The following SEMA3E variants were observed in gnomAD, a reference collection of about 807,000 sequenced individuals.
The protein encoded by SEMA3E is semaphorin 3E, also known as semaphorin-3E.
Under a neutral mutation model 93.6 loss-of-function variants are expected in SEMA3E, and 49 were observed. The observed-to-expected ratio is 0.52, with a 90% CI of 0.42 to 0.66. SEMA3E has a LOEUF of 0.66. Among genes scored for constraint, SEMA3E ranks in the 30% least tolerant of loss-of-function variants. SEMA3E has a pLI of 0.00. For missense variants in SEMA3E, 906 were observed against 964.8 expected (o/e 0.94, Z 0.81); for synonymous variants, 363 against 330.7 (o/e 1.10, Z -1.06).
chr7:83,511,562 T>C (rs1391917805), intron 1 of SEMA3E, among the ~76,000 whole-genome samples: 1 of 152,048 alleles, frequency 6.6e-6, no homozygotes, highest in Non-Finnish European at 1.5e-5. Context: ...ATAGTGAAGG[T>C]TCCCCTCTAT....
chr7:83,463,877 C>A (rs186074349), intron 4 of SEMA3E, among the ~76,000 whole-genome samples: 1 of 152,288 alleles, frequency 6.6e-6, no homozygotes, highest in Non-Finnish European at 1.5e-5. Context: ...CCACCCAGGA[C>A]TGGCAAATTA....
intron 4 of SEMA3E, among the ~76,000 whole-genome samples, chr7:83,442,824 G>T (rs1789144616): frequency 2.0e-5 from 3 of 152,268 alleles, no homozygotes; most frequent in Non-Finnish European, 2.9e-5. Context: ...TGCCCCCCAT[G>T]AGGAAGCACT....
intron 4 of SEMA3E, among the ~76,000 whole-genome samples, chr7:83,438,733 ATAAT>A (rs1353384567): frequency 1.1e-4 from 16 of 152,142 alleles, no homozygotes; most frequent in African/African-American, 3.9e-4. Flanking sequence ...ATATGGCTAA[ATAAT>A]TATATATAAT....
At chr7:83,431,079 A>G (rs1041193527) in intron 4 of SEMA3E, among the ~76,000 whole-genome samples, 16 of 2,796 alleles carry the variant, frequency 5.7e-3, no homozygotes, top group African/African-American at 7.1e-3. Context: ...GCATTGCCAA[A>G]AAAAAGAAAA....
rs185490729 is a variant in SEMA3E, at chr7:83,552,690, C to T, written c.116-62416G>A. ...CTGCTCTGGGAATATCTGTCTTATG[C>T]GGTTGAGATAAGGACTGAGATACAC... is the stretch of plus-strand genomic sequence containing the variant. On this transcript the variant is annotated intron_variant, in intron 1 of 16. Coordinates refer to ENST00000643230, the MANE Select transcript of SEMA3E (RefSeq NM_012431.3). Among the ~76,000 whole-genome samples, 149 of 152,116 alleles carry T rather than the reference C, an allele frequency of 9.8e-4. 1 individual carries two copies. The highest frequency in any genetic ancestry group is 1.8e-3 in the Non-Finnish European group (123 of 68,010).
At chr7:83,507,982 A>G (rs959737364) in intron 1 of SEMA3E, among the ~76,000 whole-genome samples, 4 of 152,028 alleles carry the variant, frequency 2.6e-5, no homozygotes, top group Non-Finnish European at 5.9e-5. Context: ...AAATAATATC[A>G]AGAAATGAGC....
intron 4 of SEMA3E, among the ~76,000 whole-genome samples, chr7:83,461,439 T>C (rs1789614737): frequency 6.6e-6 from 1 of 152,290 alleles, no homozygotes; most frequent in African/African-American, 2.4e-5. Flanking sequence ...TCACACCTGG[T>C]CCGGCTTACA....
chr7:83,372,069 A>G, intron 16 of SEMA3E: 2 of 388,194 alleles, frequency 5.2e-6, no homozygotes, highest in Non-Finnish European at 9.1e-6. Context: ...TAAAGAATTC[A>G]GAAGATAGTG....
chr7:83,418,469 G>C lies in SEMA3E; in HGVS notation c.471C>G (p.His157Gln). Residue 157 changes from histidine (H) to glutamine (Q), a missense_variant, in exon 5 of 17, where the codon CAC becomes CAG. His to Gln is a conservative substitution (Grantham distance 24). Transcript: ENST00000643230. ...VGYHLEDPLF[H>Q]LESPRSERGR... ...CTCTCTCAGATCTGGGTGATTCCAG[G>C]TGAAACAGAGGATCCTTGAAAGAAA... 6.2e-7 allele frequency: 1 copy of C among 1,610,790 alleles called. No homozygotes were observed. Among genetic ancestry groups the C allele is most frequent in the East Asian group, 2.2e-5 (1 of 44,826 alleles).
intron 10 of SEMA3E, 28 bp from the exon 11 acceptor site, chr7:83,400,278 T>C: frequency 1.9e-6 from 3 of 1,603,694 alleles, no homozygotes; most frequent in Non-Finnish European, 2.6e-6. Flanking sequence ...CAGATAATTC[T>C]TTTTGCTTTA....
intron 1 of SEMA3E, among the ~76,000 whole-genome samples, chr7:83,519,089 T>G (rs1374589259): frequency 6.6e-6 from 1 of 152,010 alleles, no homozygotes; most frequent in Non-Finnish European, 1.5e-5. Flanking sequence ...TCATTTAGCA[T>G]TAGGTATATC....
intron 1 of SEMA3E, among the ~76,000 whole-genome samples, chr7:83,556,860 G>A (rs1410452894): frequency 6.6e-6 from 1 of 152,168 alleles, no homozygotes; most frequent in Non-Finnish European, 1.5e-5. Flanking sequence ...GAGGAGACAA[G>A]TCAGGCCCTT....
chr7:83,529,737 C>G (rs1791245239), intron 1 of SEMA3E, among the ~76,000 whole-genome samples: 1 of 152,034 alleles, frequency 6.6e-6, no homozygotes, highest in Non-Finnish European at 1.5e-5. Flanking sequence ...GGATACTAAG[C>G]AAAAATCAAG....
At chr7:83,409,193 C>T (rs1199684210) in intron 5 of SEMA3E, among the ~76,000 whole-genome samples, 1 of 152,058 alleles carries the variant, frequency 6.6e-6, no homozygotes, top group Non-Finnish European at 1.5e-5. Context: ...TATTCAGGGT[C>T]TCAGGAAATA....
At chr7:83,549,508 C>T (rs967002208) in intron 1 of SEMA3E, among the ~76,000 whole-genome samples, 5 of 152,008 alleles carry the variant, frequency 3.3e-5, no homozygotes, top group Non-Finnish European at 5.9e-5. Flanking sequence ...ATACTTTTAT[C>T]CCATTCGTAT....
chr7:83,454,087 T>A (rs1192811226), intron 4 of SEMA3E, among the ~76,000 whole-genome samples: 1 of 150,650 alleles, frequency 6.6e-6, no homozygotes, highest in African/African-American at 2.4e-5. Flanking sequence ...TGAAAACCCG[T>A]CTCTACTAAA....
chr7:83,523,688 T>C (rs1791095311), intron 1 of SEMA3E, among the ~76,000 whole-genome samples: 1 of 152,098 alleles, frequency 6.6e-6, no homozygotes, highest in African/African-American at 2.4e-5. Flanking sequence ...CTTCCTCCGC[T>C]TTATGAGAAA....
intron 1 of SEMA3E, among the ~76,000 whole-genome samples, chr7:83,502,175 C>T (rs1016030902): frequency 3.3e-5 from 5 of 152,172 alleles, no homozygotes; most frequent in African/African-American, 1.2e-4. Context: ...TCCTTAGCAT[C>T]TCCTCTACCA....
At chr7:83,432,600 T>C (rs1354283403) in intron 4 of SEMA3E, among the ~76,000 whole-genome samples, 5 of 152,126 alleles carry the variant, frequency 3.3e-5, no homozygotes, top group Admixed American at 6.5e-5. Context: ...AACACATATA[T>C]AGAGATATAT....
Sources: allele counts gnomAD v4.1 joint callset (sites outside exome capture counted in the v4.1 genomes callset), GRCh38; gene constraint gnomAD v4.1.1; transcripts MANE v1.5; gene names NCBI Gene and HGNC (gene_info 2026-07-23, HGNC 2026-07-21).